Variants in SERPINI1 observed in about 807,000 individuals in gnomAD.
SERPINI1 encodes serpin family I member 1.
Under a neutral mutation model 41.1 loss-of-function variants are expected in SERPINI1, and 19 were observed. The ratio of observed to expected loss-of-function variants is 0.46; its 90% confidence interval spans 0.32 to 0.68. SERPINI1 has a LOEUF of 0.68. Ranked by LOEUF, SERPINI1 falls within the 30% of genes least tolerant of loss-of-function variation. The pLI is 0.03. For missense variants in SERPINI1, 460 were observed against 479.2 expected (o/e 0.96, Z 0.37); for synonymous variants, 138 against 156.6 (o/e 0.88, Z 0.89).
chr3:167,751,654 T>C (rs543866054), intron 1 of SERPINI1, among the ~76,000 whole-genome samples: 5 of 152,230 alleles, frequency 3.3e-5, no homozygotes, highest in South Asian at 2.1e-4. Context: ...TGGTGATGGG[T>C]TGTCAATGGC....
At chr3:167,821,348 G>T (rs1424369666) in intron 6 of SERPINI1, among the ~76,000 whole-genome samples, 4 of 152,314 alleles carry the variant, frequency 2.6e-5, no homozygotes, top group Non-Finnish European at 5.9e-5. Context: ...TGTGACACCC[G>T]CTTTGAAGCT....
chr3:167,768,748 A>G (rs1469187224), intron 1 of SERPINI1, among the ~76,000 whole-genome samples: 1 of 152,192 alleles, frequency 6.6e-6, no homozygotes, highest in African/African-American at 2.4e-5. Flanking sequence ...ACTGAATAGA[A>G]TAGGTTACTA....
At chr3:167,763,571 C>T (rs1052489388) in intron 1 of SERPINI1, among the ~76,000 whole-genome samples, 28 of 152,198 alleles carry the variant, frequency 1.8e-4, no homozygotes, top group Middle Eastern at 3.4e-3. Flanking sequence ...TTGGTGGAGA[C>T]GCAGTTCCAA....
chr3:167,801,817 A>G (rs1727908664), intron 5 of SERPINI1, among the ~76,000 whole-genome samples: 1 of 152,204 alleles, frequency 6.6e-6, no homozygotes, highest in Non-Finnish European at 1.5e-5. Context: ...AAAAAAGTCA[A>G]GGAATGGACA....
intron 6 of SERPINI1, among the ~76,000 whole-genome samples, chr3:167,818,676 A>T (rs959395131): frequency 6.6e-6 from 1 of 152,244 alleles, no homozygotes; most frequent in Non-Finnish European, 1.5e-5. Flanking sequence ...TGCCGTAAGT[A>T]CCTTGCAATA....
chr3:167,803,927 T>C (rs1228721621), intron 5 of SERPINI1, among the ~76,000 whole-genome samples: 1 of 152,222 alleles, frequency 6.6e-6, no homozygotes, highest in Non-Finnish European at 1.5e-5. Context: ...GATATTTAAA[T>C]TAATATCTGT....
At chr3:167,781,994 C>T (rs1727146381) in intron 1 of SERPINI1, among the ~76,000 whole-genome samples, 1 of 152,018 alleles carries the variant, frequency 6.6e-6, no homozygotes, top group Non-Finnish European at 1.5e-5. Context: ...CCACTGGTAA[C>T]CAAGAAGAGA....
chr3:167,774,447 A>G (rs1726897043), intron 1 of SERPINI1, among the ~76,000 whole-genome samples: 1 of 152,128 alleles, frequency 6.6e-6, no homozygotes, highest in South Asian at 2.1e-4. Flanking sequence ...GTGAACCTAT[A>G]CATTTCACCT....
intron 1 of SERPINI1, among the ~76,000 whole-genome samples, chr3:167,766,240 A>C (rs1338896364): frequency 6.6e-6 from 1 of 152,002 alleles, no homozygotes; most frequent in Non-Finnish European, 1.5e-5. Flanking sequence ...AAAAAAAAAA[A>C]AAGATTTAAT....
intron 1 of SERPINI1, among the ~76,000 whole-genome samples, chr3:167,739,881 C>G (rs770810351): frequency 3.3e-5 from 5 of 152,078 alleles, no homozygotes; most frequent in Non-Finnish European, 5.9e-5. Context: ...AAGACCTATA[C>G]AATTCTAGTT....
At chr3:167,775,446 G>GACCC (rs1726937572) in intron 1 of SERPINI1, among the ~76,000 whole-genome samples, 1 of 151,744 alleles carries the variant, frequency 6.6e-6, no homozygotes, top group South Asian at 2.1e-4. Context: ...TTTTAGTAGA[G>GACCC]ATGGGCTTCA....
chr3:167,769,181 A>G (rs962570283), intron 1 of SERPINI1, among the ~76,000 whole-genome samples: 14 of 151,904 alleles, frequency 9.2e-5, no homozygotes, highest in African/African-American at 3.4e-4. Flanking sequence ...TTTAGTAGAA[A>G]CGGGGTTTCA....
chr3:167,789,505 G>A (rs909239572), intron 2 of SERPINI1, 127 bp downstream of exon 2: 7 of 1,113,536 alleles, frequency 6.3e-6, no homozygotes, highest in African/African-American at 1.6e-5. Context: ...AAATGGTATG[G>A]CTAGAAGGAT....
At chr3:167,763,359 G>T (rs569235030) in intron 1 of SERPINI1, among the ~76,000 whole-genome samples, 7 of 145,172 alleles carry the variant, frequency 4.8e-5, no homozygotes, top group Middle Eastern at 3.4e-3. Flanking sequence ...CCACAGTTTT[G>T]TGTGTGTGTG....
chr3:167,807,640 G>A (rs991198853), intron 6 of SERPINI1, among the ~76,000 whole-genome samples: 10 of 152,046 alleles, frequency 6.6e-5, no homozygotes, highest in African/African-American at 2.2e-4. Flanking sequence ...TGTAGAATAG[G>A]TAATCAATAA....
intron 3 of SERPINI1, among the ~76,000 whole-genome samples, chr3:167,791,421 G>A (rs1727505269): frequency 6.6e-6 from 1 of 152,090 alleles, no homozygotes; most frequent in Non-Finnish European, 1.5e-5. Context: ...TTTACCTTAA[G>A]AAGTGCCATG....
intron 1 of SERPINI1, among the ~76,000 whole-genome samples, chr3:167,765,627 C>T (rs1726537046): frequency 6.6e-6 from 1 of 152,204 alleles, no homozygotes; most frequent in Non-Finnish European, 1.5e-5. Context: ...CTCCTTGTTA[C>T]TTATGCAGAT....
rs1191891165 is a variant in SERPINI1 at position 167,790,606 on chromosome 3, T to C, written c.481+4T>C. Reference sequence around the variant, plus strand: ...TGGGTGGAGAATAACACAAACAGTATGTCACTTGGTTCCTTTCTTCCTCTA... The same window carrying C: ...TGGGTGGAGAATAACACAAACAGTACGTCACTTGGTTCCTTTCTTCCTCTA... On this transcript the variant is annotated splice_donor_region_variant and intron_variant, in intron 3 of 8. Coordinates refer to ENST00000446050, the MANE Select transcript of SERPINI1 (RefSeq NM_001122752.2). 1.9e-6 allele frequency: 3 copies of C among 1,601,838 alleles called. No homozygotes were observed. Among genetic ancestry groups the C allele is most frequent in the East Asian group, 4.5e-5 (2 of 44,722 alleles).
At chr3:167,819,803 C>T (rs1006074996) in intron 6 of SERPINI1, among the ~76,000 whole-genome samples, 2 of 152,182 alleles carry the variant, frequency 1.3e-5, no homozygotes, top group Admixed American at 1.3e-4. Flanking sequence ...ATCAATTGTG[C>T]TTTTAATGAT....
Sources: allele counts gnomAD v4.1 joint callset (sites outside exome capture counted in the v4.1 genomes callset), GRCh38; gene constraint gnomAD v4.1.1; transcripts MANE v1.5; gene names NCBI Gene and HGNC (gene_info 2026-07-23, HGNC 2026-07-21).